FHIT: variants seen among roughly 807,000 people sequenced by gnomAD.
FHIT encodes the protein bis(5'-adenosyl)-triphosphatase.
In FHIT, 19 loss-of-function variants were observed where a neutral mutation model predicts 17.9. The observed-to-expected ratio is 1.06, with a 90% CI of 0.74 to 1.56. The LOEUF is 1.56. Ranked by LOEUF, FHIT falls within the 40% of genes most tolerant of loss-of-function variation. The pLI is 0.00. For synonymous variants in FHIT, 81 were observed against 69.7 expected, an observed-to-expected ratio of 1.16 and a Z score of -0.81; for missense variants, 248 against 189.2, an observed-to-expected ratio of 1.31 and a Z score of -1.82.
intron 7 of FHIT, among the ~76,000 whole-genome samples, chr3:59,954,908 G>C (rs1707316938): frequency 6.6e-6 from 1 of 152,170 alleles, no homozygotes; most frequent in African/African-American, 2.4e-5. Context: ...TAATCACTTT[G>C]AATTTAAATG....
intron 4 of FHIT, among the ~76,000 whole-genome samples, chr3:60,565,739 G>T (rs1405686328): frequency 6.6e-6 from 1 of 152,080 alleles, no homozygotes; most frequent in Non-Finnish European, 1.5e-5. Context: ...TTTTTGAAGG[G>T]TTTTTTGTGT....
At chr3:60,045,783 G>T (rs1701628981) in intron 5 of FHIT, among the ~76,000 whole-genome samples, 1 of 152,118 alleles carries the variant, frequency 6.6e-6, no homozygotes. Flanking sequence ...GGGAGATCAT[G>T]GGTGATTTCC....
rs58568425 is a variant in FHIT at position 61,112,623 on chromosome 3, A to G, written c.-163-70524T>C. 5.5e-3 allele frequency among the ~76,000 whole-genome samples: 844 copies of G among 152,330 alleles called. 10 individuals carry two copies. Among genetic ancestry groups the G allele is most frequent in the African/African-American group, 0.019 (785 of 41,578 alleles). On this transcript the variant is annotated intron_variant, in intron 2 of 9. Coordinates refer to ENST00000492590, the MANE Select transcript of FHIT (RefSeq NM_002012.4). ...AAGCAGTTCCTAATTGAGTAGGACTAGTGAATGCTGTGAGATATGAAATAT... is the reference window on the plus strand; with the variant it reads ...AAGCAGTTCCTAATTGAGTAGGACTGGTGAATGCTGTGAGATATGAAATAT...
chr3:60,236,991 G>T (rs984348945), intron 5 of FHIT, among the ~76,000 whole-genome samples: 2 of 151,980 alleles, frequency 1.3e-5, no homozygotes, highest in Non-Finnish European at 2.9e-5. Context: ...TCCCAGATAA[G>T]GAACATACCT....
intron 4 of FHIT, among the ~76,000 whole-genome samples, chr3:60,784,049 A>G (rs533752318): frequency 6.6e-6 from 1 of 152,188 alleles, no homozygotes; most frequent in Non-Finnish European, 1.5e-5. Flanking sequence ...TGAACTGCCC[A>G]TCAGTCCCAG....
intron 3 of FHIT, among the ~76,000 whole-genome samples, chr3:60,998,332 T>C (rs2030820346): frequency 6.6e-6 from 1 of 152,206 alleles, no homozygotes; most frequent in African/African-American, 2.4e-5. Context: ...ATAAAGGAAA[T>C]ATTTTAAGTA....
chr3:61,218,650 G>A (rs991120943), intron 1 of FHIT, among the ~76,000 whole-genome samples: 2 of 152,136 alleles, frequency 1.3e-5, no homozygotes, highest in Admixed American at 1.3e-4. Flanking sequence ...CAGTACTGAA[G>A]GTTCCTGAGA....
intron 2 of FHIT, among the ~76,000 whole-genome samples, chr3:61,044,983 C>T (rs570341896): frequency 1.3e-5 from 2 of 152,290 alleles, no homozygotes; most frequent in South Asian, 4.1e-4. Context: ...CTGAAGGAAG[C>T]ACTAAACATG....
chr3:60,826,621 G>C (rs1248975532), intron 3 of FHIT, among the ~76,000 whole-genome samples: 1 of 152,168 alleles, frequency 6.6e-6, no homozygotes, highest in Non-Finnish European at 1.5e-5. Flanking sequence ...CTAGCAGACT[G>C]TCTCAGCGTG....
At chr3:60,709,476 G>A (rs1321936470) in intron 4 of FHIT, among the ~76,000 whole-genome samples, 2 of 152,182 alleles carry the variant, frequency 1.3e-5, no homozygotes, top group Non-Finnish European at 2.9e-5. Context: ...TACTTGCAGA[G>A]TAGAACCCGA....
chr3:60,674,311 A>G (rs558945045), intron 4 of FHIT, among the ~76,000 whole-genome samples: 1 of 152,170 alleles, frequency 6.6e-6, no homozygotes, highest in African/African-American at 2.4e-5. Context: ...TATGTCACCC[A>G]TTTTATGTCA....
intron 8 of FHIT, among the ~76,000 whole-genome samples, chr3:59,810,287 G>T (rs1420111669): frequency 6.6e-6 from 1 of 152,156 alleles, no homozygotes; most frequent in Non-Finnish European, 1.5e-5. Context: ...GGCTGTAGAG[G>T]CTCAGAGAGA....
intron 4 of FHIT, among the ~76,000 whole-genome samples, chr3:60,583,147 C>T (rs1170193529): frequency 2.0e-5 from 3 of 151,856 alleles, no homozygotes; most frequent in Admixed American, 6.6e-5. Flanking sequence ...GGAGGTGATT[C>T]GGGCAGAATG....
chr3:60,356,714 T>C (rs1248569136), intron 5 of FHIT, among the ~76,000 whole-genome samples: 1 of 88,212 alleles, frequency 1.1e-5, no homozygotes, highest in African/African-American at 5.5e-5. Context: ...CTACGGAAAA[T>C]TAAACAAAAT....
chr3:60,551,622 T>C (rs1227506314), intron 4 of FHIT, among the ~76,000 whole-genome samples: 8 of 125,224 alleles, frequency 6.4e-5, no homozygotes, highest in Non-Finnish European at 1.2e-4. Flanking sequence ...TAGCTGGGTG[T>C]GGTGGCATGC....
intron 3 of FHIT, among the ~76,000 whole-genome samples, chr3:60,940,018 C>T (rs9818351): frequency 0.25 from 37,713 of 151,930 alleles, 5,727 homozygotes; most frequent in East Asian, 0.6. Context: ...ATAAAGGCTT[C>T]ATTAATTAGA....
intron 7 of FHIT, among the ~76,000 whole-genome samples, chr3:59,974,067 A>G (rs975230695): frequency 2.6e-5 from 4 of 152,084 alleles, no homozygotes; most frequent in Non-Finnish European, 4.4e-5. Context: ...ATTGTTTTCA[A>G]CAACTGATAT....
chr3:60,901,920 G>T (rs1375113052), intron 3 of FHIT, among the ~76,000 whole-genome samples: 1 of 152,076 alleles, frequency 6.6e-6, no homozygotes, highest in African/African-American at 2.4e-5. Flanking sequence ...TTGTCCTCGC[G>T]TTGGGGATTT....
chr3:60,013,663 G>A (rs1700225211), intron 6 of FHIT, among the ~76,000 whole-genome samples: 1 of 152,190 alleles, frequency 6.6e-6, no homozygotes, highest in African/African-American at 2.4e-5. Context: ...GCAGGGCTTA[G>A]TCTATGCAGT....
Sources: gnomAD v4.1 joint callset for allele counts (sites outside exome capture counted in the v4.1 genomes callset) on GRCh38, gnomAD v4.1.1 for gene constraint, MANE v1.5 for transcripts, NCBI Gene and HGNC (gene_info 2026-07-23, HGNC 2026-07-21) for gene names.